YIPF1: variants seen among roughly 807,000 people sequenced by gnomAD.
YIPF1 encodes protein YIPF1.
Under a neutral mutation model 37.0 loss-of-function variants are expected in YIPF1, and 22 were observed. The observed-to-expected ratio is 0.59, with a 90% CI of 0.42 to 0.85. YIPF1 has a LOEUF of 0.85. Ranked by LOEUF, YIPF1 falls within the 40% of genes least tolerant of loss-of-function variation. The pLI, the probability that YIPF1 is intolerant of heterozygous loss-of-function variation, is 0.00. For synonymous variants in YIPF1, 128 were observed against 131.9 expected, an observed-to-expected ratio of 0.97 and a Z score of 0.21; for missense variants, 355 against 373.1, an observed-to-expected ratio of 0.95 and a Z score of 0.40.
rs767011826 is a variant in YIPF1 at position 53,866,808 on chromosome 1, C to G, written c.598G>C (p.Glu200Gln). The part of the protein sequence containing the change: ...VMNIVSYSFL[E>Q]IVCVYGYSLF... ...GAATATCCATAGACACACACAATCT[C>G]CAGAAATGAATAGGAGACGATGTTC... The change falls in exon 8 of 11, where the codon GAG becomes CAG. Residue 200 changes from glutamate (E) to glutamine (Q), a missense_variant. Coordinates refer to ENST00000072644, the MANE Select transcript of YIPF1 (RefSeq NM_018982.5). The G allele has an allele frequency of 1.2e-6, 2 of 1,614,134 alleles. No homozygotes were observed. Among genetic ancestry groups the G allele is most frequent in the South Asian group, 1.1e-5 (1 of 91,076 alleles).
intron 6 of YIPF1, among the ~76,000 whole-genome samples, chr1:53,875,715 G>C (rs867886793): frequency 6.6e-6 from 1 of 152,096 alleles, no homozygotes; most frequent in Non-Finnish European, 1.5e-5. Flanking sequence ...GAATGTACTA[G>C]GCTAGCTCTT....
chr1:53,858,561 A>G (rs1195034046), intron 10 of YIPF1, among the ~76,000 whole-genome samples: 4 of 152,194 alleles, frequency 2.6e-5, no homozygotes, highest in African/African-American at 7.2e-5. Context: ...TATTGTAAAG[A>G]CAAGTTAGCT....
At chr1:53,878,075 C>T (rs960085600) in intron 6 of YIPF1, among the ~76,000 whole-genome samples, 2 of 152,356 alleles carry the variant, frequency 1.3e-5, no homozygotes, top group South Asian at 2.1e-4. Context: ...AGCCACTGCG[C>T]TCAGCCCCAT....
chr1:53,865,054 G>C (rs1265232911), intron 9 of YIPF1, among the ~76,000 whole-genome samples: 1 of 152,104 alleles, frequency 6.6e-6, no homozygotes, highest in Admixed American at 6.6e-5. Context: ...TCCCTAAAAA[G>C]ACACCTACAT....
chr1:53,865,331 A>G (rs1417241656), intron 9 of YIPF1, among the ~76,000 whole-genome samples: 2 of 152,206 alleles, frequency 1.3e-5, no homozygotes, highest in African/African-American at 4.8e-5. Context: ...CCACAGGCTC[A>G]GCATGCTCAG....
At chr1:53,875,758 G>A (rs991566423) in intron 6 of YIPF1, among the ~76,000 whole-genome samples, 4 of 152,082 alleles carry the variant, frequency 2.6e-5, no homozygotes, top group African/African-American at 9.7e-5. Context: ...TGATCCTTCT[G>A]TTTCAAGTGC....
intron 3 of YIPF1, 129 bp downstream of exon 3, chr1:53,888,778 T>A: frequency 1.1e-6 from 1 of 945,880 alleles, no homozygotes; most frequent in Non-Finnish European, 1.5e-6. Flanking sequence ...CACCTGGATG[T>A]GGCCAACAGC....
intron 7 of YIPF1, among the ~76,000 whole-genome samples, chr1:53,867,186 T>A (rs186317102): frequency 2.3e-3 from 356 of 152,316 alleles, no homozygotes; most frequent in African/African-American, 8.3e-3. Context: ...ATGGTTTTTA[T>A]AGGTCATTTA....
At chr1:53,874,212 T>C (rs1033772396) in intron 6 of YIPF1, among the ~76,000 whole-genome samples, 1 of 152,148 alleles carries the variant, frequency 6.6e-6, no homozygotes, top group South Asian at 2.1e-4. Context: ...CTTCTCCAGC[T>C]ACCCCCAGTG....
intron 6 of YIPF1, among the ~76,000 whole-genome samples, chr1:53,874,524 T>C (rs1650285128): frequency 6.6e-6 from 1 of 152,190 alleles, no homozygotes; most frequent in Admixed American, 6.5e-5. Context: ...CCCAGCACTT[T>C]GGGAGGCTGA....
intron 7 of YIPF1, among the ~76,000 whole-genome samples, chr1:53,868,200 G>C (rs895939341): frequency 2.6e-5 from 4 of 152,216 alleles, no homozygotes; most frequent in Non-Finnish European, 4.4e-5. Flanking sequence ...ATAACTAAGG[G>C]AAGAGGAGGA....
intron 9 of YIPF1, 118 bp downstream of exon 9, chr1:53,866,082 G>A (rs1402745738): frequency 7.6e-7 from 1 of 1,319,934 alleles, no homozygotes; most frequent in Admixed American, 2.5e-5. Flanking sequence ...TTATGGGTGT[G>A]AGCCAACATG....
intron 6 of YIPF1, among the ~76,000 whole-genome samples, chr1:53,873,359 C>T (rs992514980): frequency 2.0e-5 from 3 of 152,010 alleles, no homozygotes; most frequent in African/African-American, 2.4e-5. Flanking sequence ...AAGAGAGGTC[C>T]GTGAAGAGGG....
At chr1:53,880,234 C>A (rs1045378149) in intron 4 of YIPF1, among the ~76,000 whole-genome samples, 1 of 151,870 alleles carries the variant, frequency 6.6e-6, no homozygotes, top group African/African-American at 2.4e-5. Context: ...AATCAATGTG[C>A]AAAAATTGTT....
At chr1:53,860,023 A>C (rs774452709) in intron 10 of YIPF1, 33 bp downstream of exon 10, 1 of 1,607,260 alleles carries the variant, frequency 6.2e-7, no homozygotes, top group Admixed American at 1.7e-5. Context: ...GTTTTATGGC[A>C]CCACACAGCA....
intron 9 of YIPF1, among the ~76,000 whole-genome samples, chr1:53,865,536 T>C (rs1356568726): frequency 1.3e-5 from 2 of 152,170 alleles, no homozygotes; most frequent in African/African-American, 2.4e-5. Flanking sequence ...CATTTTTATA[T>C]AGAGAACTTG....
intron 9 of YIPF1, among the ~76,000 whole-genome samples, chr1:53,863,042 C>T (rs950213035): frequency 1.2e-4 from 19 of 152,158 alleles, no homozygotes; most frequent in Non-Finnish European, 2.5e-4. Flanking sequence ...CACCTGACCA[C>T]GGGATGGTTC....
intron 9 of YIPF1, among the ~76,000 whole-genome samples, chr1:53,863,668 C>T (rs1649944295): frequency 6.6e-6 from 1 of 152,136 alleles, no homozygotes; most frequent in Admixed American, 6.6e-5. Flanking sequence ...GGTTTCAGCG[C>T]CATCTGCCCC....
rs1295333876 is a variant in YIPF1 at position 53,883,160 on chromosome 1, C to G, written c.148G>C (p.Glu50Gln). Residue 50 changes from glutamate (E) to glutamine (Q), a missense_variant, in exon 4 of 11, where the codon GAA (glutamate) becomes CAA (glutamine). By Grantham distance (29) the Glu-to-Gln change is conservative. Coordinates refer to ENST00000072644, the MANE Select transcript of YIPF1 (RefSeq NM_018982.5). ...TTTCCCAGTAACTCATCATCTTCTT[C>G]TCTTCCTGAGCCTCTTGGGGATCCT... ...QPGSPRGSGR[E>Q]EDDELLGNDD... 1 of 1,601,932 alleles carries G rather than the reference C, an allele frequency of 6.2e-7. No homozygotes were observed. Among genetic ancestry groups the G allele is most frequent in the Non-Finnish European group, 8.5e-7 (1 of 1,175,196 alleles).
Sources: allele counts gnomAD v4.1 joint callset (sites outside exome capture counted in the v4.1 genomes callset), GRCh38; gene constraint gnomAD v4.1.1; transcripts MANE v1.5; gene names NCBI Gene and HGNC (gene_info 2026-07-23, HGNC 2026-07-21).